The following ABCC4 variants were observed in gnomAD, a reference collection of about 807,000 sequenced individuals.
ABCC4 encodes ATP-binding cassette sub-family C member 4.
Under a neutral mutation model 168.5 loss-of-function variants are expected in ABCC4, and 102 were observed. The ratio of observed to expected loss-of-function variants is 0.61; its 90% CI spans 0.52 to 0.71. The LOEUF (loss-of-function observed/expected upper bound fraction) is 0.71, where lower values mean the gene tolerates loss of function less well. Ranked by LOEUF, ABCC4 falls within the 30% of genes least tolerant of loss-of-function variation. The probability of loss-of-function intolerance (pLI) is 0.00; values close to 1 mark genes in which losing one functional copy is unlikely to be tolerated. For missense variants in ABCC4, 1,402 were observed against 1,605.8 expected (o/e 0.87, Z 2.17); for synonymous variants, 617 against 590.7 (o/e 1.04, Z -0.65).
At chr13:95,277,708 C>A (rs549790997) in intron 1 of ABCC4, among the ~76,000 whole-genome samples, 52 of 152,212 alleles carry the variant, frequency 3.4e-4, no homozygotes, top group African/African-American at 1.2e-3. Context: ...GCAGGGTCAA[C>A]AAGTTCCAAG....
intron 13 of ABCC4, among the ~76,000 whole-genome samples, chr13:95,171,395 C>CA (rs11350759): frequency 0.019 from 2,773 of 148,146 alleles, 42 homozygotes; most frequent in Non-Finnish European, 0.028. Context: ...CTGGGAGCTA[C>CA]AAAAAAAAAA....
rs148287028 is a variant in ABCC4, at chr13:95,052,267, C to T, written c.3456+828G>A. Among the ~76,000 whole-genome samples the T allele has an allele frequency of 1.1e-4, 16 of 152,304 alleles. No homozygotes were observed. In the East Asian group the frequency reaches 2.3e-3, roughly 22 times the overall value. On this transcript the variant is annotated intron_variant, in intron 27 of 30. Coordinates refer to ENST00000645237, the MANE Select transcript of ABCC4 (RefSeq NM_005845.5). ...AAGTGCTGGGATTACAGGCATCAAC[C>T]GCTGCACCCAGCCTTAAATGCTTAC...
chr13:95,021,692 A>T lies in ABCC4; in HGVS notation c.3871-10T>A. 2.6e-6 allele frequency: 4 copies of T among 1,556,448 alleles called. No homozygotes were observed. The highest frequency in any genetic ancestry group is 3.5e-6 in the Non-Finnish European group (4 of 1,135,098). ...TTCTTTTGAAGTATACCTAGAAAAA[A>T]AAAAGGTAAGCATAAAAAGAATGTT... On this transcript the variant is annotated splice_polypyrimidine_tract_variant and intron_variant, in intron 30 of 30. Coordinates refer to ENST00000645237, the MANE Select transcript of ABCC4 (RefSeq NM_005845.5).
chr13:95,200,992 G>A (rs531531140), intron 8 of ABCC4, among the ~76,000 whole-genome samples: 2 of 152,228 alleles, frequency 1.3e-5, no homozygotes, highest in African/African-American at 4.8e-5. Flanking sequence ...GAGCGCCAAC[G>A]CTTTCTTACC....
chr13:95,043,695 C>T lies in ABCC4; in HGVS notation c.3722G>A (p.Ser1241Asn). 6.2e-7 allele frequency: 1 copy of T among 1,611,394 alleles called. No homozygotes were observed. The highest frequency in any genetic ancestry group is 2.2e-5 in the East Asian group (1 of 44,856). Reference sequence around the variant, plus strand: ...TGAAGGACTCACCATTATCTTGTCGCTGTCAATAATGGTGTTCAATCTGTG... The same window carrying T: ...TGAAGGACTCACCATTATCTTGTCGTTGTCAATAATGGTGTTCAATCTGTG... ...IAHRLNTIID[S>N]DKIMVLDSGR... The change falls in exon 29 of 31, where the codon AGC becomes AAC. Residue 1241 changes from serine to asparagine, a missense_variant. By Grantham distance (46) the Ser-to-Asn change is conservative (BLOSUM62 1). Around this residue, in one of 3 missense-constraint regions of ABCC4, gnomAD observed 1,007 missense variants for 1,127.3 expected, o/e 0.89. Transcript: ENST00000645237.
chr13:95,061,177 G>A lies in ABCC4; in HGVS notation c.3366+1527C>T, dbSNP rs189170971. On this transcript the variant is annotated intron_variant, in intron 26 of 30. Transcript: ENST00000645237. Reference sequence around the variant, plus strand: ...GGACACGAGCTATTTCCACCTTTTGGGTACTGTGATGATCATGGATGTACA... The same window carrying A: ...GGACACGAGCTATTTCCACCTTTTGAGTACTGTGATGATCATGGATGTACA... Among the ~76,000 whole-genome samples the A allele has an allele frequency of 1.4e-3, 217 of 152,230 alleles. 1 individual carries two copies. The highest frequency in any genetic ancestry group is 2.4e-3 in the Non-Finnish European group (162 of 68,016).
chr13:95,130,846 A>T (rs1406463284), intron 19 of ABCC4, among the ~76,000 whole-genome samples: 1 of 152,152 alleles, frequency 6.6e-6, no homozygotes, highest in African/African-American at 2.4e-5. Flanking sequence ...TGGGTCCCTT[A>T]TCTTTTTTCA....
At chr13:95,170,994 G>A (rs370447436) in intron 13 of ABCC4, among the ~76,000 whole-genome samples, 5 of 152,042 alleles carry the variant, frequency 3.3e-5, no homozygotes, top group East Asian at 1.9e-4. Context: ...ACGTAACGAC[G>A]CGGCATTTTT....
intron 8 of ABCC4, among the ~76,000 whole-genome samples, chr13:95,195,250 GTT>G (rs1181449191): frequency 1.3e-5 from 2 of 152,180 alleles, no homozygotes; most frequent in Non-Finnish European, 2.9e-5. Context: ...AGCCTGCATA[GTT>G]CTACTGTTGT....
At chr13:95,277,399 G>A (rs1394752128) in intron 1 of ABCC4, among the ~76,000 whole-genome samples, 1 of 152,016 alleles carries the variant, frequency 6.6e-6, no homozygotes, top group Admixed American at 6.6e-5. Context: ...TGGCCAACAT[G>A]GTGAAACCTT....
intron 19 of ABCC4, among the ~76,000 whole-genome samples, chr13:95,158,120 A>G (rs1421529431): frequency 6.6e-6 from 1 of 151,732 alleles, no homozygotes; most frequent in East Asian, 1.9e-4. Flanking sequence ...GAGAAGAAAC[A>G]CAGACCTTCC....
intron 29 of ABCC4, among the ~76,000 whole-genome samples, chr13:95,038,472 C>T (rs113013343): frequency 0.021 from 3,187 of 151,150 alleles, 51 homozygotes; most frequent in Middle Eastern, 0.038. Context: ...CAGCAGAAGT[C>T]ACCTCTGGCC....
intron 8 of ABCC4, among the ~76,000 whole-genome samples, chr13:95,196,555 TA>T (rs2038422696): frequency 1.2e-5 from 1 of 81,668 alleles, no homozygotes; most frequent in African/African-American, 4.1e-5. Flanking sequence ...TCAAAAAAAA[TA>T]AAAGGAAAGG....
At chr13:95,060,722 A>T (rs1420676801) in intron 26 of ABCC4, among the ~76,000 whole-genome samples, 1 of 152,252 alleles carries the variant, frequency 6.6e-6, no homozygotes, top group Non-Finnish European at 1.5e-5. Context: ...TTAAACTAAA[A>T]ATAAAAATTG....
At chr13:95,280,796 TC>T (rs1222790170) in intron 1 of ABCC4, among the ~76,000 whole-genome samples, 1 of 152,028 alleles carries the variant, frequency 6.6e-6, no homozygotes, top group Non-Finnish European at 1.5e-5. Context: ...TCCACAGACT[TC>T]AGCCTATTTT....
At chr13:95,239,298 T>C (rs1321420522) in intron 3 of ABCC4, among the ~76,000 whole-genome samples, 2 of 151,736 alleles carry the variant, frequency 1.3e-5, no homozygotes, top group African/African-American at 4.8e-5. Flanking sequence ...AAAGAACAGA[T>C]GAAGGGAGAA....
In ABCC4 at chr13:95,186,762, A is replaced by G. The variant is rs1239209822; in HGVS notation, c.1484T>C (p.Phe495Ser). Residue 495 changes from phenylalanine to serine, a missense_variant, in exon 11 of 31, where the codon TTT becomes TCT. By Grantham distance (155) the Phe-to-Ser change is radical. Around this residue, in one of 3 missense-constraint regions of ABCC4, gnomAD observed 1,007 missense variants for 1,127.3 expected, o/e 0.89. Transcript: ENST00000645237. ...TCGTTCCTTTTCGTATTTCTTCCCA[A>G]ATAAAATATTACTCCTCAGAGTTCC... ...FSGTLRSNIL[F>S]GKKYEKERYE... 3 of 1,614,108 alleles carry G rather than the reference A, an allele frequency of 1.9e-6. No homozygotes were observed. In the East Asian group the frequency reaches 6.7e-5, roughly 36 times the overall value.
At chr13:95,269,179 G>A (rs2040771218) in intron 1 of ABCC4, 1 of 426,138 alleles carries the variant, frequency 2.3e-6, no homozygotes, top group African/African-American at 2.1e-5. Flanking sequence ...TTGAACCCAA[G>A]GGGGTCATGG....
At chr13:95,051,379 A>G (rs1398774250) in intron 27 of ABCC4, among the ~76,000 whole-genome samples, 2 of 152,108 alleles carry the variant, frequency 1.3e-5, no homozygotes, top group Admixed American at 6.6e-5. Flanking sequence ...AACAACAACA[A>G]TAACAATGGA....
Sources: allele counts gnomAD v4.1 joint callset (sites outside exome capture counted in the v4.1 genomes callset), GRCh38; gene constraint gnomAD v4.1.1; regional missense constraint gnomAD v4.1.1; transcripts MANE v1.5; gene names NCBI Gene and HGNC (gene_info 2026-07-23, HGNC 2026-07-21).